The following TUT4 variants were observed in gnomAD, a reference collection of about 807,000 sequenced individuals.
The protein encoded by TUT4 is terminal uridylyltransferase 4.
A neutral mutation model predicts 192.2 loss-of-function variants in TUT4; 36 were observed. The ratio of observed to expected loss-of-function variants is 0.19; its 90% CI spans 0.14 to 0.25. TUT4 has a LOEUF of 0.25. TUT4 is among the 10% of genes least tolerant of loss of function. The pLI, the probability that TUT4 is intolerant of heterozygous loss-of-function variation, is 1.00. For synonymous variants in TUT4, 618 were observed against 666.0 expected (o/e 0.93, Z 1.11); for missense variants, 1,493 against 1,957.2 (o/e 0.76, Z 4.47).
intron 10 of TUT4, 29 bp from the exon 11 acceptor site, chr1:52,481,664 G>C: frequency 6.5e-7 from 1 of 1,536,098 alleles, no homozygotes; most frequent in Non-Finnish European, 8.8e-7. Context: ...CAAATTGGTA[G>C]TGGAAAAATT....
chr1:52,442,572 C>T lies in TUT4; in HGVS notation c.3822+3215G>A, dbSNP rs946334388. 3.3e-5 allele frequency among the ~76,000 whole-genome samples: 5 copies of T among 152,102 alleles called. No individual in the cohort carries two copies. In the East Asian group the frequency reaches 5.8e-4, roughly 18 times the overall value. The stretch of plus-strand genomic sequence containing the variant: ...GCATTACATTTATACCAGCTGAGCA[C>T]CCCAAACCAGAAAATCTGAAATCTC... On this transcript the variant is annotated intron_variant, in intron 24 of 29. Coordinates refer to ENST00000257177, the MANE Select transcript of TUT4 (RefSeq NM_001009881.3).
At chr1:52,456,381 C>T in intron 20 of TUT4, among the ~76,000 whole-genome samples, 1 of 121,040 alleles carries the variant, frequency 8.3e-6, no homozygotes. Flanking sequence ...CACTGCACTC[C>T]AGCCTGGGCA....
intron 20 of TUT4, among the ~76,000 whole-genome samples, 176 bp downstream of exon 20, chr1:52,458,160 C>T (rs1661500650): frequency 6.6e-6 from 1 of 152,020 alleles, no homozygotes; most frequent in Admixed American, 6.6e-5. Flanking sequence ...CTATATTCTC[C>T]CATAATAAAT....
chr1:52,541,290 TG>T (rs1005110229), intron 1 of TUT4, among the ~76,000 whole-genome samples: 1 of 151,626 alleles, frequency 6.6e-6, no homozygotes, highest in Non-Finnish European at 1.5e-5. Context: ...CCTAGCACTT[TG>T]GGAGTCCAAG....
At position 52,435,293 on chromosome 1, in the gene TUT4, A is replaced by G. The variant is rs1653397417; in HGVS notation, c.4263+72T>C. The G allele has an allele frequency of 3.2e-6, 4 of 1,261,290 alleles. No homozygotes were observed. In the Admixed American group the frequency reaches 5.6e-5, roughly 18 times the overall value. The allele number at this position is 1,261,290 out of a possible 1,614,324, so 78.1% of individuals were successfully genotyped here. On this transcript the variant is annotated intron_variant, in intron 27 of 29. Transcript: ENST00000257177. ...AAGATTGTATTAGCCAGTCTGAGAG[A>G]AAACACTATCACCCATTAAAGATAC...
intron 20 of TUT4, among the ~76,000 whole-genome samples, 188 bp downstream of exon 20, chr1:52,458,148 G>A (rs1330566984): frequency 6.6e-6 from 1 of 152,080 alleles, no homozygotes; most frequent in Non-Finnish European, 1.5e-5. Context: ...TCTTTTGGTA[G>A]TCTATATTCT....
intron 2 of TUT4, among the ~76,000 whole-genome samples, chr1:52,523,983 G>A (rs1209257185): frequency 2.6e-5 from 4 of 151,542 alleles, no homozygotes; most frequent in Non-Finnish European, 5.9e-5. Context: ...AAAACACTAG[G>A]AAAAAAAGAT....
chr1:52,527,921 G>C (rs1412711040), intron 1 of TUT4, among the ~76,000 whole-genome samples: 1 of 152,174 alleles, frequency 6.6e-6, no homozygotes, highest in South Asian at 2.1e-4. Context: ...CCTCACGCCT[G>C]TAATCCCAGC....
At chr1:52,425,874 G>A (rs1649736229) in intron 28 of TUT4, among the ~76,000 whole-genome samples, 1 of 151,516 alleles carries the variant, frequency 6.6e-6, no homozygotes, top group African/African-American at 2.4e-5. Flanking sequence ...GGAGGGGGTG[G>A]GGGGCATTTC....
chr1:52,427,934 A>G (rs1650520121), intron 28 of TUT4, among the ~76,000 whole-genome samples: 1 of 152,224 alleles, frequency 6.6e-6, no homozygotes, highest in Non-Finnish European at 1.5e-5. Flanking sequence ...CAACAGAAAG[A>G]GCCTGAATCT....
chr1:52,462,892 A>T (rs1203788189), intron 16 of TUT4: 5 of 985,266 alleles, frequency 5.1e-6, no homozygotes, highest in Non-Finnish European at 6.0e-6. Flanking sequence ...GGGTATAAAC[A>T]TCAATCCCAA....
intron 2 of TUT4, among the ~76,000 whole-genome samples, chr1:52,525,199 T>C (rs1681404712): frequency 6.6e-6 from 1 of 152,202 alleles, no homozygotes; most frequent in African/African-American, 2.4e-5. Context: ...TTGATATATA[T>C]ATAAGAAGAA....
At chr1:52,444,836 A>G (rs1656889088) in intron 24 of TUT4, among the ~76,000 whole-genome samples, 1 of 151,204 alleles carries the variant, frequency 6.6e-6, no homozygotes, top group African/African-American at 2.4e-5. Flanking sequence ...TCAGCTGCAG[A>G]CACTCTATTA....
chr1:52,430,535 C>T (rs932341852), intron 28 of TUT4, among the ~76,000 whole-genome samples: 5 of 152,040 alleles, frequency 3.3e-5, no homozygotes, highest in Non-Finnish European at 7.4e-5. Context: ...CACCTGCCTC[C>T]GCCTCCCAAA....
At chr1:52,499,131 G>C (rs1338157229) in intron 4 of TUT4, among the ~76,000 whole-genome samples, 3 of 151,516 alleles carry the variant, frequency 2.0e-5, no homozygotes, top group Non-Finnish European at 4.4e-5. Context: ...AGGTCAGGTA[G>C]CCCACACCTG....
In TUT4 at chr1:52,515,949, A is replaced by G; in HGVS notation, c.824T>C (p.Leu275Pro). Residue 275 changes from leucine to proline, a missense_variant, in exon 3 of 30, where the codon CTG (leucine) becomes CCG (proline). Coordinates refer to ENST00000257177, the MANE Select transcript of TUT4 (RefSeq NM_001009881.3). ...GCGTTCTTCTGCTTGTTTCAACCCC[A>G]GCCTCTGCTCAGGTGTCAATGCAGA... ...DESALTPEQR[L>P]GLKQAEERLE... 6.2e-7 allele frequency: 1 copy of G among 1,613,576 alleles called. No individual in the cohort carries two copies. Among genetic ancestry groups the G allele is most frequent in the South Asian group, 1.1e-5 (1 of 91,060 alleles).
rs556578947 is a variant in TUT4 at position 52,550,109 on chromosome 1, TAAAG to T, written c.-94+2818_-94+2821del. Among the ~76,000 whole-genome samples the T allele has an allele frequency of 1.1e-4, 16 of 152,208 alleles. No individual in the cohort carries two copies. In the South Asian group the frequency reaches 3.1e-3, roughly 30 times the overall value. ...TGAATATAGTCTGTACATAATAAAA[TAAAG>T]ATTTAAAAAAGGAAAGAAAAATACT... On this transcript the variant is annotated intron_variant, in intron 1 of 29. Coordinates refer to ENST00000257177, the MANE Select transcript of TUT4 (RefSeq NM_001009881.3).
chr1:52,510,613 C>A (rs1224234256), intron 3 of TUT4, among the ~76,000 whole-genome samples: 1 of 152,150 alleles, frequency 6.6e-6, no homozygotes. Flanking sequence ...AGTCACAGAA[C>A]GTCACTCATA....
At chr1:52,509,771 AC>A in intron 3 of TUT4, 59 bp from the exon 4 acceptor site, 1 of 958,144 alleles carries the variant, frequency 1.0e-6, no homozygotes, top group Non-Finnish European at 1.7e-6. Flanking sequence ...TAAACTATTG[AC>A]TATATAAGTG....
Sources: allele counts gnomAD v4.1 joint callset (sites outside exome capture counted in the v4.1 genomes callset), GRCh38; gene constraint gnomAD v4.1.1; transcripts MANE v1.5; gene names NCBI Gene and HGNC (gene_info 2026-07-23, HGNC 2026-07-21).